The following HHAT variants were observed in gnomAD, a reference collection of about 807,000 sequenced individuals.
HHAT encodes the protein hedgehog acyltransferase, also known as protein-cysteine N-palmitoyltransferase HHAT.
Under a neutral mutation model 70.8 loss-of-function variants are expected in HHAT, and 47 were observed. The observed-to-expected ratio is 0.66, with a 90% CI of 0.53 to 0.85. HHAT has a LOEUF of 0.85. Among genes scored for constraint, HHAT ranks in the 40% least tolerant of loss-of-function variants. HHAT has a pLI of 0.00. For synonymous variants in HHAT, 228 were observed against 247.6 expected (o/e 0.92, Z 0.74); for missense variants, 609 against 604.8 (o/e 1.01, Z -0.07).
chr1:210,496,074 A>G (rs1176340144), intron 8 of HHAT, among the ~76,000 whole-genome samples: 1 of 146,082 alleles, frequency 6.8e-6, no homozygotes, highest in Non-Finnish European at 1.5e-5. Context: ...CATGGGTTAG[A>G]AAGAGTAAAG....
intron 10 of HHAT, among the ~76,000 whole-genome samples, chr1:210,612,356 C>G (rs369153765): frequency 6.6e-6 from 1 of 152,118 alleles, no homozygotes; most frequent in Non-Finnish European, 1.5e-5. Flanking sequence ...CTTTCTGTCT[C>G]TATATATTTG....
chr1:210,540,523 GCT>G (rs3067934), intron 9 of HHAT, among the ~76,000 whole-genome samples: 46 of 147,168 alleles, frequency 3.1e-4, no homozygotes, highest in East Asian at 4.0e-4. Flanking sequence ...ACAAACACAC[GCT>G]CTCTCTCTCT....
chr1:210,337,118 A>T (rs570653443), intron 1 of HHAT, among the ~76,000 whole-genome samples: 1 of 152,318 alleles, frequency 6.6e-6, no homozygotes, highest in South Asian at 2.1e-4. Context: ...TGATTATAAG[A>T]TTGATATCAG....
intron 9 of HHAT, among the ~76,000 whole-genome samples, chr1:210,586,666 C>G (rs1344748376): frequency 6.6e-6 from 1 of 152,090 alleles, no homozygotes; most frequent in Non-Finnish European, 1.5e-5. Context: ...TTGGAACATA[C>G]TGTGTATTCA....
intron 6 of HHAT, among the ~76,000 whole-genome samples, chr1:210,410,441 C>T (rs901742184): frequency 7.1e-6 from 1 of 141,014 alleles, no homozygotes; most frequent in African/African-American, 2.9e-5. Flanking sequence ...AGATGAAAAA[C>T]CTTTTGTTTT....
intron 8 of HHAT, among the ~76,000 whole-genome samples, chr1:210,496,114 T>C (rs1277526286): frequency 6.6e-6 from 1 of 150,998 alleles, no homozygotes; most frequent in Non-Finnish European, 1.5e-5. Flanking sequence ...TTTTTAGTTA[T>C]ATACTTGCGT....
chr1:210,627,341 G>A (rs772941637), intron 11 of HHAT, among the ~76,000 whole-genome samples: 2 of 152,202 alleles, frequency 1.3e-5, no homozygotes, highest in African/African-American at 4.8e-5. Context: ...GATGTGCCTA[G>A]AAGTATCTCA....
At chr1:210,412,390 A>G (rs2092589087) in intron 6 of HHAT, among the ~76,000 whole-genome samples, 1 of 152,166 alleles carries the variant, frequency 6.6e-6, no homozygotes, top group Non-Finnish European at 1.5e-5. Context: ...GTCTCATTTA[A>G]ATATCATCTA....
chr1:210,511,167 C>T (rs1194100075), intron 8 of HHAT, among the ~76,000 whole-genome samples: 4 of 152,192 alleles, frequency 2.6e-5, no homozygotes, highest in Non-Finnish European at 5.9e-5. Context: ...AAGAACTTAG[C>T]ATCTTATCCA....
intron 9 of HHAT, among the ~76,000 whole-genome samples, chr1:210,574,617 C>T (rs1456598718): frequency 6.6e-6 from 1 of 152,200 alleles, no homozygotes; most frequent in Non-Finnish European, 1.5e-5. Context: ...ACTGACCAAC[C>T]GACCAGACTT....
intron 4 of HHAT, among the ~76,000 whole-genome samples, chr1:210,389,833 T>A (rs1337137730): frequency 6.6e-6 from 1 of 152,224 alleles, no homozygotes; most frequent in Non-Finnish European, 1.5e-5. Context: ...AGAGCTCTCA[T>A]GATCCAATTG....
chr1:210,596,103 A>G (rs895595228), intron 10 of HHAT, among the ~76,000 whole-genome samples: 1 of 152,116 alleles, frequency 6.6e-6, no homozygotes, highest in African/African-American at 2.4e-5. Context: ...ATGGTTTTAG[A>G]TCTAACATTT....
At chr1:210,500,432 C>T (rs1254194263) in intron 8 of HHAT, among the ~76,000 whole-genome samples, 3 of 152,168 alleles carry the variant, frequency 2.0e-5, no homozygotes, top group Admixed American at 2.0e-4. Flanking sequence ...CATTTAATTA[C>T]CCAGCTCCCA....
intron 7 of HHAT, among the ~76,000 whole-genome samples, chr1:210,438,526 T>C (rs552831655): frequency 6.6e-6 from 1 of 151,970 alleles, no homozygotes; most frequent in African/African-American, 2.4e-5. Context: ...TGTTTATTTC[T>C]GATATGCTCA....
intron 10 of HHAT, chr1:210,589,246 C>A (rs1414567140): frequency 1.3e-5 from 2 of 152,150 alleles, no homozygotes; most frequent in African/African-American, 2.4e-5. Flanking sequence ...TAAAGATAGC[C>A]ATAGTACAAG....
intron 9 of HHAT, among the ~76,000 whole-genome samples, chr1:210,543,003 G>A (rs891380870): frequency 1.3e-5 from 2 of 152,106 alleles, no homozygotes; most frequent in African/African-American, 4.8e-5. Context: ...TCACAGACAG[G>A]CATCATGGGG....
At chr1:210,463,304 C>T (rs569676773) in intron 7 of HHAT, among the ~76,000 whole-genome samples, 2 of 152,274 alleles carry the variant, frequency 1.3e-5, no homozygotes, top group South Asian at 2.1e-4. Flanking sequence ...AAAGAAACCC[C>T]ACCTTTTATT....
chr1:210,555,522 G>C (rs892429261), intron 9 of HHAT, among the ~76,000 whole-genome samples: 1 of 152,170 alleles, frequency 6.6e-6, no homozygotes, highest in African/African-American at 2.4e-5. Flanking sequence ...GTGGAGAGTG[G>C]GCATGACATA....
At chr1:210,614,134 C>T (rs1291564190) in intron 10 of HHAT, among the ~76,000 whole-genome samples, 3 of 151,480 alleles carry the variant, frequency 2.0e-5, no homozygotes, top group African/African-American at 2.4e-5. Context: ...TTTTGCCTCC[C>T]TAGTTAAGTT....
Sources: allele counts gnomAD v4.1 joint callset (sites outside exome capture counted in the v4.1 genomes callset), GRCh38; gene constraint gnomAD v4.1.1; transcripts MANE v1.5; gene names NCBI Gene and HGNC (gene_info 2026-07-23, HGNC 2026-07-21).